SLC22A31: variants seen among roughly 807,000 people sequenced by gnomAD.
The protein encoded by SLC22A31 is putative solute carrier family 22 member 31.
Under a neutral mutation model 27.4 loss-of-function variants are expected in SLC22A31, and 42 were observed. The ratio of observed to expected loss-of-function variants is 1.53; its 90% CI spans 1.20 to 1.98. The LOEUF (loss-of-function observed/expected upper bound fraction) is 1.98. SLC22A31 is among the 30% of genes most tolerant of loss of function. SLC22A31 has a pLI of 0.00. For missense variants in SLC22A31, 593 were observed against 479.9 expected (o/e 1.24, Z -2.20); for synonymous variants, 290 against 230.8 (o/e 1.26, Z -2.33).
At position 89,196,013 on chromosome 16, in the gene SLC22A31, G is replaced by A. The variant is rs1915846356; in HGVS notation, c.1327C>T (p.Pro443Ser). 3 of 1,512,846 alleles carry A rather than the reference G, an allele frequency of 2.0e-6. No homozygotes were observed. Among genetic ancestry groups the A allele is most frequent in the African/African-American group, 2.8e-5 (2 of 72,542 alleles). The allele number at this position is 1,512,846 out of a possible 1,614,324, so 93.7% of individuals were successfully genotyped here. A position where few individuals can be genotyped will look rare whatever the true frequency, so the allele number is the denominator to read the frequency against. The change falls in exon 9 of 9, where the codon CCC (proline) becomes TCC (serine). Residue 443 changes from proline (P) to serine (S), a missense_variant. By Grantham distance (74) the Pro-to-Ser change is moderately conservative. Coordinates refer to ENST00000682282, the MANE Select transcript of SLC22A31 (RefSeq NM_001384763.1). ...PSNSYWAGHT[P>S]EQH The stretch of plus-strand genomic sequence containing the variant: ...ACCAGGCAGGACTAGTGCTGCTCGG[G>A]GGTGTGGCCGGCCCAGTAGGAGTTG...
intron 3 of SLC22A31, 36 bp downstream of exon 3, chr16:89,199,377 C>T (rs1051170876): frequency 2.1e-5 from 13 of 613,802 alleles, no homozygotes; most frequent in Non-Finnish European, 3.1e-5. Flanking sequence ...CACCCACTGC[C>T]CCTCCCCCAG....
chr16:89,196,890 G>C (rs1915985200), intron 8 of SLC22A31, among the ~76,000 whole-genome samples: 1 of 150,960 alleles, frequency 6.6e-6, no homozygotes, highest in Admixed American at 6.6e-5. Context: ...AGGCTGCAGT[G>C]AGCTGAGATC....
In SLC22A31 at chr16:89,198,166, A is replaced by G. The variant is rs1567781220; in HGVS notation, c.878T>C (p.Met293Thr). 2.6e-6 allele frequency: 4 copies of G among 1,535,136 alleles called. 1 individual carries two copies. The highest frequency in any genetic ancestry group is 1.8e-4 in the Middle Eastern group (1 of 5,514). Reference sequence around the variant, plus strand: ...CAGCAGGGATGCCAGGCCTGTGACCATGGTGCCCAGCAGCAGCACGGGGCG... The same window carrying G: ...CAGCAGGGATGCCAGGCCTGTGACCGTGGTGCCCAGCAGCAGCACGGGGCG... ...GRRPVLLLGT[M>T]VTGLASLLLL... is the part of the protein sequence containing the mutation. Residue 293 changes from methionine to threonine, a missense_variant, in exon 7 of 9, where the codon ATG becomes ACG. Coordinates refer to ENST00000682282, the MANE Select transcript of SLC22A31 (RefSeq NM_001384763.1).
In SLC22A31 at chr16:89,197,345, G is replaced by A. The variant is rs758559212; in HGVS notation, c.987C>T (p.Ser329=). 23 of 1,535,826 alleles carry A rather than the reference G, an allele frequency of 1.5e-5. No homozygotes were observed. Among genetic ancestry groups the A allele is most frequent in the Middle Eastern group, 3.3e-4 (2 of 5,986 alleles). Residue 329 remains serine, a synonymous_variant, in exon 8 of 9, where the codon TCC becomes TCT. Transcript: ENST00000682282. ...VLGLLASRAV[S]ALSSLFAAEV... ...CGGCCGCGAAGAGGCTGCTGAGTGCGGACACAGCCCGGGAGGCCAGGAGCC... is the reference window on the plus strand; with the variant it reads ...CGGCCGCGAAGAGGCTGCTGAGTGCAGACACAGCCCGGGAGGCCAGGAGCC...
upstream of SLC22A31, among the ~76,000 whole-genome samples, chr16:89,200,754 G>A (rs1916516321): frequency 6.6e-6 from 1 of 152,162 alleles, no homozygotes; most frequent in Admixed American, 6.5e-5. Context: ...GGTCCCTGCC[G>A]CCCGCCTCCC....
At chr16:89,198,961 C>G (rs1916271810) in intron 4 of SLC22A31, 62 bp downstream of exon 4, 1 of 1,514,896 alleles carries the variant, frequency 6.6e-7, no homozygotes, top group Non-Finnish European at 8.8e-7. Flanking sequence ...TACGTCGGTG[C>G]AGAGGGAAGC....
rs1279049499 is a variant in SLC22A31, at chr16:89,198,483, G to T, written c.666C>A (p.Thr222=). 2 of 1,520,376 alleles carry T rather than the reference G, an allele frequency of 1.3e-6. No homozygotes were observed. Among genetic ancestry groups the T allele is most frequent in the Admixed American group, 4.0e-5 (2 of 49,430 alleles). The allele number at this position is 1,520,376 out of a possible 1,614,324, so 94.2% of individuals were successfully genotyped here. ...RYHSPLGLLR[T]RVTWRNGLIL... Reference sequence around the variant, plus strand: ...TAAGCCCGTTTCTCCAGGTGACTCGGGTACGCAGAAGCCCCAGTGGGGAGT... The same window carrying T: ...TAAGCCCGTTTCTCCAGGTGACTCGTGTACGCAGAAGCCCCAGTGGGGAGT... Residue 222 remains threonine, a synonymous_variant, in exon 6 of 9, where the codon ACC becomes ACA. Coordinates refer to ENST00000682282, the MANE Select transcript of SLC22A31 (RefSeq NM_001384763.1).
rs189651870 is a variant in SLC22A31 at position 89,195,896 on chromosome 16, C to T, written c.*103G>A. 5,489 of 1,305,830 alleles carry T rather than the reference C, an allele frequency of 4.2e-3. 14 individuals are homozygous for T. Among genetic ancestry groups the T allele is most frequent in the Admixed American group, 4.9e-3 (168 of 34,126 alleles). 80.9% of individuals were successfully genotyped at this position (1,305,830 alleles called of 1,614,324 possible). On this transcript the variant is annotated 3_prime_UTR_variant, in exon 9 of 9. Coordinates refer to ENST00000682282, the MANE Select transcript of SLC22A31 (RefSeq NM_001384763.1). ...TCCACCTGCACTGAGACACGGGCTT[C>T]TGAGAGGAATGTGTCTGCCCTGGAC...
At chr16:89,201,127 C>T (rs957735708), upstream of SLC22A31, 64 of 377,088 alleles carry the variant, frequency 1.7e-4, no homozygotes, top group Non-Finnish European at 2.9e-4. Flanking sequence ...CCGGCGGCCG[C>T]CCCGGAGCAG....
In SLC22A31 at chr16:89,200,510, C is replaced by T. The variant is rs1335016515; in HGVS notation, c.-9G>A. On this transcript the variant is annotated 5_prime_UTR_variant, in exon 1 of 9. Coordinates refer to ENST00000682282, the MANE Select transcript of SLC22A31 (RefSeq NM_001384763.1). ...GAAAGCTGATGGGGCATTCCTGGATCCAGGCACCAAACAGGAGGAGGGCAG... is the reference window on the plus strand; with the variant it reads ...GAAAGCTGATGGGGCATTCCTGGATTCAGGCACCAAACAGGAGGAGGGCAG... 6.6e-6 allele frequency among the ~76,000 whole-genome samples: 1 copy of T among 152,194 alleles called. No homozygotes were observed. The highest frequency in any genetic ancestry group is 1.5e-5 in the Non-Finnish European group (1 of 68,040).
chr16:89,198,203 A>T lies in SLC22A31; in HGVS notation c.841T>A (p.Cys281Ser). ...AGCAGCACGGGGCGGCGTCCACAGC[A>T]ATCTGCCGTCAGGAGCAGGAAGACC... ...ALVFLLLTAD[C>S]CGRRPVLLLG... Residue 281 changes from cysteine (C) to serine (S), a missense_variant, in exon 7 of 9, where the codon TGC (cysteine) becomes AGC (serine). Physicochemically the swap from Cys to Ser is moderately radical, Grantham distance 112. Transcript: ENST00000682282. The T allele has an allele frequency of 2.0e-6, 3 of 1,535,802 alleles. No individual in the cohort carries two copies. Among genetic ancestry groups the T allele is most frequent in the Non-Finnish European group, 2.6e-6 (3 of 1,146,858 alleles).
chr16:89,197,045 C>G (rs967774184), intron 8 of SLC22A31, among the ~76,000 whole-genome samples: 7 of 152,190 alleles, frequency 4.6e-5, no homozygotes, highest in African/African-American at 1.4e-4. Flanking sequence ...CCACCCCGCA[C>G]TCCTGGCTTC....
chr16:89,197,251 G>C (rs1364552586), intron 8 of SLC22A31, 47 bp downstream of exon 8: 1 of 1,450,884 alleles, frequency 6.9e-7, no homozygotes, highest in Non-Finnish European at 9.3e-7. Context: ...TCCTCCCCAT[G>C]AGAGGCCCTG....
In SLC22A31 at chr16:89,196,105, C is replaced by G; in HGVS notation, c.1235G>C (p.Arg412Pro). The G allele has an allele frequency of 6.5e-7, 1 of 1,533,918 alleles. No homozygotes were observed. Among genetic ancestry groups the G allele is most frequent in the Non-Finnish European group, 8.7e-7 (1 of 1,146,354 alleles). The change falls in exon 9 of 9, where the codon CGC becomes CCC. Residue 412 changes from arginine to proline, a missense_variant. Arg to Pro is a moderately radical substitution (Grantham distance 103). Transcript: ENST00000682282. ...CCGCAGGAGTGGGGAGCGGCGCAGG[C>G]GGTCGGCGTCCTGCAGTGACTGGGG... The part of the protein sequence containing the change: ...GLPQSLQDAD[R>P]LRRSPLLRGR...
upstream of SLC22A31, chr16:89,201,637 C>G (rs1296784973): frequency 5.0e-6 from 2 of 397,798 alleles, no homozygotes; most frequent in South Asian, 1.3e-4. Flanking sequence ...CCGCCCGCAG[C>G]TCTCAGCACC....
At chr16:89,198,901 C>T (rs976801514) in intron 4 of SLC22A31, 104 bp from the exon 5 acceptor site, 7 of 1,486,356 alleles carry the variant, frequency 4.7e-6, no homozygotes, top group Non-Finnish European at 6.3e-6. Context: ...GGCAGGACAT[C>T]ACTGTAGTTC....
chr16:89,197,311 G>A lies in SLC22A31; in HGVS notation c.1021C>T (p.Pro341Ser). ...LSSLFAAEVF[P>S]TVIRGAGLGL... ...CCTGAAGCTCACCTGATCACCGTGG[G>A]GAAGACCTCGGCCGCGAAGAGGCTG... is the stretch of plus-strand genomic sequence containing the variant. Residue 341 changes from proline to serine, a missense_variant, in exon 8 of 9, where the codon CCC becomes TCC. Transcript: ENST00000682282. The A allele has an allele frequency of 1.3e-6, 2 of 1,535,690 alleles. No homozygotes were observed. Among genetic ancestry groups the A allele is most frequent in the Non-Finnish European group, 1.7e-6 (2 of 1,146,754 alleles).
In SLC22A31 at chr16:89,199,781, C is replaced by T. The variant is rs536851687; in HGVS notation, c.60G>A (p.Pro20=). The T allele has an allele frequency of 3.0e-5, 12 of 403,746 alleles. No homozygotes were observed. In the East Asian group the frequency reaches 3.2e-4, roughly 11 times the overall value. The allele number at this position is 403,746 out of a possible 1,614,324, so 25.0% of individuals were successfully genotyped here. The change falls in exon 2 of 9, where the codon CCG becomes CCA. Residue 20 remains proline, a synonymous_variant. Coordinates refer to ENST00000682282, the MANE Select transcript of SLC22A31 (RefSeq NM_001384763.1). ...NLVCGDGWKV[P]LEQVSHLLGW... Reference sequence around the variant, plus strand: ...CCAGGAGGTGGCTCACCTGCTCCAGCGGGACCTTCCAGCCGTCTCCACACA... The same window carrying T: ...CCAGGAGGTGGCTCACCTGCTCCAGTGGGACCTTCCAGCCGTCTCCACACA...
intron 7 of SLC22A31, 85 bp downstream of exon 7, chr16:89,198,037 C>T: frequency 1.4e-6 from 2 of 1,445,298 alleles, no homozygotes; most frequent in Non-Finnish European, 1.9e-6. Flanking sequence ...GGCTGCTCCC[C>T]TGTCGGCACT....
Sources: allele counts gnomAD v4.1 joint callset (sites outside exome capture counted in the v4.1 genomes callset), GRCh38; gene constraint gnomAD v4.1.1; transcripts MANE v1.5; gene names NCBI Gene and HGNC (gene_info 2026-07-23, HGNC 2026-07-21).